PXDNL: variants seen among roughly 807,000 people sequenced by gnomAD.
PXDNL encodes peroxidasin like, also known as probable oxidoreductase PXDNL.
PXDNL carries 145 observed loss-of-function variants against 150.8 expected under a neutral mutation model. The observed-to-expected ratio is 0.96, with a 90% CI of 0.84 to 1.10. The LOEUF (loss-of-function observed/expected upper bound fraction) is 1.10, where lower values mean the gene tolerates loss of function less well. Among genes scored for constraint, PXDNL ranks in the 50% least tolerant of loss-of-function variants. PXDNL has a pLI of 0.00. For synonymous variants in PXDNL, 757 were observed against 725.7 expected, an observed-to-expected ratio of 1.04 and a Z score of -0.69; for missense variants, 2,087 against 1,873.9, an observed-to-expected ratio of 1.11 and a Z score of -2.10.
intron 4 of PXDNL, among the ~76,000 whole-genome samples, chr8:51,502,928 C>T (rs1811217573): frequency 6.6e-6 from 1 of 152,092 alleles, no homozygotes; most frequent in Admixed American, 6.5e-5. Flanking sequence ...AACAGTTTAT[C>T]CAATATCACT....
chr8:51,320,685 TA>T, intron 22 of PXDNL, 98 bp downstream of exon 22: 3 of 855,170 alleles, frequency 3.5e-6, no homozygotes, highest in Non-Finnish European at 5.7e-6. Context: ...TCTATTGACA[TA>T]AAATATATTT....
chr8:51,752,228 C>G (rs1327982919), intron 1 of PXDNL, among the ~76,000 whole-genome samples: 2 of 152,166 alleles, frequency 1.3e-5, no homozygotes, highest in Non-Finnish European at 2.9e-5. Context: ...TTACCCTTAT[C>G]TCGTCTCCTG....
In PXDNL at chr8:51,641,916, T is replaced by C. The variant is rs539573377; in HGVS notation, c.236+12773A>G. On this transcript the variant is annotated intron_variant, in intron 2 of 22. Transcript: ENST00000356297. ...AAAGACACATGCACACGTATGTTTA[T>C]TGCAGCTCTATTCACAATAGCAAAG... Among the ~76,000 whole-genome samples, 10 of 152,262 alleles carry C rather than the reference T, an allele frequency of 6.6e-5. No individual in the cohort carries two copies. The East Asian group carries it at 1.4e-3, about 21-fold the overall frequency.
intron 4 of PXDNL, among the ~76,000 whole-genome samples, chr8:51,537,942 T>G (rs1812121147): frequency 6.6e-6 from 1 of 152,166 alleles, no homozygotes; most frequent in Admixed American, 6.5e-5. Context: ...ATGCAGCCAA[T>G]CCTGCCCCAG....
At chr8:51,793,714 C>G (rs1249031125) in intron 1 of PXDNL, among the ~76,000 whole-genome samples, 1 of 152,046 alleles carries the variant, frequency 6.6e-6, no homozygotes, top group Admixed American at 6.6e-5. Flanking sequence ...CATAGTGAAA[C>G]ACCGTCTGTA....
In PXDNL at chr8:51,761,567, T is replaced by C. The variant is rs141707619; in HGVS notation, c.164+47614A>G. Among the ~76,000 whole-genome samples the C allele has an allele frequency of 1.5e-3, 226 of 152,316 alleles. 7 individuals are homozygous for C. In the East Asian group the frequency reaches 0.04, roughly 27 times the overall value. Reference sequence around the variant, plus strand: ...GTATAATATGCATATATAACGTATATTTACAACAAAAAGCTAAGATTTAAA... The same window carrying C: ...GTATAATATGCATATATAACGTATACTTACAACAAAAAGCTAAGATTTAAA... On this transcript the variant is annotated intron_variant, in intron 1 of 22. Transcript: ENST00000356297.
intron 21 of PXDNL, among the ~76,000 whole-genome samples, chr8:51,322,559 A>T (rs115787069): frequency 1.3e-3 from 198 of 152,278 alleles, no homozygotes; most frequent in African/African-American, 4.6e-3. Flanking sequence ...TCCTGTGGCA[A>T]CATGAAGGAT....
chr8:51,375,026 T>C (rs570679113), intron 17 of PXDNL, among the ~76,000 whole-genome samples: 1 of 149,406 alleles, frequency 6.7e-6, no homozygotes, highest in African/African-American at 2.4e-5. Context: ...AGTATAACTG[T>C]ATATATATAT....
intron 1 of PXDNL, among the ~76,000 whole-genome samples, chr8:51,675,865 G>A (rs932796003): frequency 2.7e-5 from 4 of 150,618 alleles, no homozygotes; most frequent in African/African-American, 9.7e-5. Context: ...GACACCCTTC[G>A]ATGATTTTCC....
chr8:51,441,166 G>A (rs1809538282), intron 12 of PXDNL, among the ~76,000 whole-genome samples: 1 of 152,076 alleles, frequency 6.6e-6, no homozygotes, highest in Non-Finnish European at 1.5e-5. Context: ...TTCCCCCTCT[G>A]CTCGGCACTC....
At chr8:51,401,201 G>T (rs1239793321) in intron 17 of PXDNL, among the ~76,000 whole-genome samples, 1 of 152,184 alleles carries the variant, frequency 6.6e-6, no homozygotes, top group Non-Finnish European at 1.5e-5. Flanking sequence ...CTGGCATTTA[G>T]AGTCAAACAA....
At chr8:51,411,524 C>G in intron 15 of PXDNL, 117 bp from the exon 16 acceptor site, 1 of 917,138 alleles carries the variant, frequency 1.1e-6, no homozygotes, top group Non-Finnish European at 1.5e-6. Flanking sequence ...ATGAAAGCTC[C>G]ACCACTACAA....
intron 2 of PXDNL, among the ~76,000 whole-genome samples, chr8:51,622,775 G>C (rs184011173): frequency 1.2e-3 from 189 of 152,284 alleles, no homozygotes; most frequent in African/African-American, 4.4e-3. Context: ...TCTAATGATT[G>C]ATAAAGACTA....
chr8:51,660,647 T>TACC (rs1815252005), intron 1 of PXDNL, among the ~76,000 whole-genome samples: 8 of 152,054 alleles, frequency 5.3e-5, no homozygotes, highest in Admixed American at 5.2e-4. Context: ...AGCATTCCTA[T>TACC]TGAAGGTAAG....
At chr8:51,623,599 C>A (rs1372115996) in intron 2 of PXDNL, among the ~76,000 whole-genome samples, 1 of 152,210 alleles carries the variant, frequency 6.6e-6, no homozygotes, top group Non-Finnish European at 1.5e-5. Context: ...TTATCTTTCA[C>A]TGAGGACCAT....
Position 51,616,396 on chromosome 8 carries a change from G to A in PXDNL, c.237-23698C>T, listed in dbSNP as rs569060729. ...GCCATACTCCCTACAACTTACCTTCGAAAGAGATTTTCTTTGGGCCAAAAA... is the reference window on the plus strand; with the variant it reads ...GCCATACTCCCTACAACTTACCTTCAAAAGAGATTTTCTTTGGGCCAAAAA... On this transcript the variant is annotated intron_variant, in intron 2 of 22. Coordinates refer to ENST00000356297, the MANE Select transcript of PXDNL (RefSeq NM_144651.5). Among the ~76,000 whole-genome samples, 16 of 152,238 alleles carry A rather than the reference G, an allele frequency of 1.1e-4. No individual in the cohort carries two copies. In the South Asian group the frequency reaches 3.1e-3, roughly 30 times the overall value.
intron 4 of PXDNL, among the ~76,000 whole-genome samples, chr8:51,538,662 G>C (rs1214194429): frequency 6.6e-6 from 1 of 152,044 alleles, no homozygotes; most frequent in Admixed American, 6.5e-5. Flanking sequence ...AGCTACTCAG[G>C]AGGCTGAGGC....
At chr8:51,497,513 G>A (rs1811079116) in intron 5 of PXDNL, among the ~76,000 whole-genome samples, 1 of 152,150 alleles carries the variant, frequency 6.6e-6, no homozygotes, top group African/African-American at 2.4e-5. Flanking sequence ...CAGACTAGGA[G>A]AAAATTTTTG....
chr8:51,735,535 T>TGA (rs374582450), intron 1 of PXDNL, among the ~76,000 whole-genome samples: 1 of 120,124 alleles, frequency 8.3e-6, no homozygotes, highest in Non-Finnish European at 1.6e-5. Flanking sequence ...TGTTTTTTTT[T>TGA]TTTTTTTTTT....
Sources: allele counts gnomAD v4.1 joint callset (sites outside exome capture counted in the v4.1 genomes callset), GRCh38; gene constraint gnomAD v4.1.1; transcripts MANE v1.5; gene names NCBI Gene and HGNC (gene_info 2026-07-23, HGNC 2026-07-21).